Variants in STX8 observed in about 807,000 individuals in gnomAD.
STX8 encodes syntaxin 8, also known as syntaxin-8.
A neutral mutation model predicts 37.5 loss-of-function variants in STX8; 23 were observed. The observed-to-expected ratio is 0.61, with a 90% CI of 0.44 to 0.87. The LOEUF is 0.87. STX8 is among the 40% of genes least tolerant of loss of function. The probability of loss-of-function intolerance (pLI) is 0.00; values close to 1 mark genes in which losing one functional copy is unlikely to be tolerated. For missense variants in STX8, 313 were observed against 284.7 expected (o/e 1.10, Z -0.71); for synonymous variants, 115 against 99.1 (o/e 1.16, Z -0.95).
intron 6 of STX8, among the ~76,000 whole-genome samples, chr17:9,489,617 G>A (rs1029972987): frequency 1.3e-5 from 2 of 151,768 alleles, no homozygotes; most frequent in African/African-American, 2.4e-5. Flanking sequence ...CTCACCCATC[G>A]AATAGGCTAA....
chr17:9,357,522 T>A (rs532600132), intron 7 of STX8, among the ~76,000 whole-genome samples: 5 of 151,880 alleles, frequency 3.3e-5, no homozygotes, highest in African/African-American at 1.2e-4. Flanking sequence ...TGTAGAAAAC[T>A]CCATCTCTAC....
intron 7 of STX8, among the ~76,000 whole-genome samples, chr17:9,348,848 G>A (rs1910612992): frequency 6.6e-6 from 1 of 152,292 alleles, no homozygotes; most frequent in East Asian, 1.9e-4. Flanking sequence ...CCTTCCTGAT[G>A]GCCAAGGTCT....
intron 7 of STX8, among the ~76,000 whole-genome samples, chr17:9,281,224 A>C (rs531983372): frequency 5.3e-5 from 8 of 152,182 alleles, no homozygotes; most frequent in Non-Finnish European, 8.8e-5. Flanking sequence ...GCTGAAGTCA[A>C]GGTGAGGCTG....
intron 4 of STX8, among the ~76,000 whole-genome samples, chr17:9,531,907 G>A (rs9902525): frequency 0.22 from 33,366 of 151,732 alleles, 3,739 homozygotes; most frequent in South Asian, 0.26. Flanking sequence ...AACCTTCTGA[G>A]GAGAGAAACT....
chr17:9,397,534 G>T (rs1041916505), intron 6 of STX8, among the ~76,000 whole-genome samples: 1 of 152,202 alleles, frequency 6.6e-6, no homozygotes, highest in Non-Finnish European at 1.5e-5. Flanking sequence ...ATGGATTTGA[G>T]AACAAACCCA....
chr17:9,520,851 T>A (rs1462696158), intron 4 of STX8, among the ~76,000 whole-genome samples: 1 of 152,182 alleles, frequency 6.6e-6, no homozygotes, highest in Non-Finnish European at 1.5e-5. Context: ...CAAAAAGATG[T>A]CAAAGTGACT....
chr17:9,428,627 AATGTGAACC>A (rs1444659128), intron 6 of STX8, among the ~76,000 whole-genome samples: 1 of 152,250 alleles, frequency 6.6e-6, no homozygotes, highest in East Asian at 1.9e-4. Context: ...ATAGAAATGT[AATGTGAACC>A]ATGTCTGTAA....
Position 9,557,469 on chromosome 17 carries a change from C to T in STX8, c.177G>A (p.Lys59=). 6.2e-7 allele frequency: 1 copy of T among 1,614,008 alleles called. No individual in the cohort carries two copies. Among genetic ancestry groups the T allele is most frequent in the Non-Finnish European group, 8.5e-7 (1 of 1,179,964 alleles). Residue 59 remains lysine (K), a synonymous_variant, in exon 3 of 8, where the codon AAG becomes AAA. Coordinates refer to ENST00000306357, the MANE Select transcript of STX8 (RefSeq NM_004853.3). ...QNLKEKIALL[K]DLLLRAVSTH... is the part of the protein sequence containing the mutation. ...TTGACACAGCTCTTAGCAATAAGTC[C>T]TTCAAAAGGGCGATCTTTTCCTTCA...
intron 4 of STX8, 43 bp downstream of exon 4, chr17:9,545,129 G>A: frequency 7.3e-7 from 1 of 1,368,374 alleles, no homozygotes. Context: ...CTGCAAAGAA[G>A]TCTTCGCCCA....
At chr17:9,315,357 C>T (rs1597600063) in intron 7 of STX8, among the ~76,000 whole-genome samples, 1 of 152,068 alleles carries the variant, frequency 6.6e-6, no homozygotes, top group East Asian at 1.9e-4. Flanking sequence ...AACTGACCAG[C>T]ATTCCCTCCT....
chr17:9,475,003 T>C (rs542712238), intron 6 of STX8, among the ~76,000 whole-genome samples: 1 of 152,164 alleles, frequency 6.6e-6, no homozygotes, highest in East Asian at 1.9e-4. Context: ...AAAACTTGTT[T>C]TACTGAAGCC....
Position 9,568,459 on chromosome 17 carries a change from T to C in STX8, c.29A>G (p.Tyr10Cys), listed in dbSNP as rs1410475113. The part of the protein sequence containing the change: MAPDPWFST[Y>C]DSTCQIAQEI... ...TTGGGCAATTTGACAAGTAGAATCG[T>C]ATGTGGAGAACCTGCACCAAAGTCG... Residue 10 changes from tyrosine (Y) to cysteine (C), a missense_variant, in exon 2 of 8, where the codon TAC (tyrosine) becomes TGC (cysteine). Transcript: ENST00000306357. 7 of 1,612,356 alleles carry C rather than the reference T, an allele frequency of 4.3e-6. No homozygotes were observed. The highest frequency in any genetic ancestry group is 5.9e-6 in the Non-Finnish European group (7 of 1,179,654).
rs1405423392 is a variant in STX8 at position 9,250,623 on chromosome 17, C to T, written c.666G>A (p.Leu222=). The T allele has an allele frequency of 2.5e-6, 4 of 1,599,932 alleles. No homozygotes were observed. The highest frequency in any genetic ancestry group is 1.7e-5 in the Admixed American group (1 of 57,646). The part of the protein sequence containing the change: ...ASCGMIMVIL[L]LLVAIVVVAV... ...CAACAACCACGATAGCCACAAGCAG[C>T]AGTAAAATCACCATGATCATCCCTG... The change falls in exon 8 of 8, where the codon CTG becomes CTA. Residue 222 remains leucine (L), a synonymous_variant. Transcript: ENST00000306357.
At chr17:9,341,599 G>A (rs1403467385) in intron 7 of STX8, among the ~76,000 whole-genome samples, 1 of 152,118 alleles carries the variant, frequency 6.6e-6, no homozygotes, top group Non-Finnish European at 1.5e-5. Flanking sequence ...ACCAGGCCTG[G>A]CTAATTTTTG....
chr17:9,340,381 T>G lies in STX8; in HGVS notation c.643+38171A>C, dbSNP rs562911161. Among the ~76,000 whole-genome samples the G allele has an allele frequency of 9.8e-5, 15 of 152,314 alleles. No individual in the cohort carries two copies. The East Asian group carries it at 2.7e-3, about 27-fold the overall frequency. ...ATTTAAAAATTTGTTTCACTGAACATTTTCACAAAATGAAAATTAGAAGAT... is the reference window on the plus strand; with the variant it reads ...ATTTAAAAATTTGTTTCACTGAACAGTTTCACAAAATGAAAATTAGAAGAT... On this transcript the variant is annotated intron_variant, in intron 7 of 7. Coordinates refer to ENST00000306357, the MANE Select transcript of STX8 (RefSeq NM_004853.3).
At chr17:9,272,879 T>C (rs979412879) in intron 7 of STX8, among the ~76,000 whole-genome samples, 5 of 152,202 alleles carry the variant, frequency 3.3e-5, no homozygotes, top group Admixed American at 2.6e-4. Context: ...CGCCCCTCTT[T>C]CCCCACTGCC....
intron 7 of STX8, among the ~76,000 whole-genome samples, chr17:9,333,897 C>A (rs1910051278): frequency 6.6e-6 from 1 of 152,102 alleles, no homozygotes; most frequent in Non-Finnish European, 1.5e-5. Context: ...CTAGACAGAG[C>A]CGATTTCTCT....
chr17:9,267,816 C>T (rs1441327801), intron 7 of STX8, among the ~76,000 whole-genome samples: 1 of 151,980 alleles, frequency 6.6e-6, no homozygotes, highest in African/African-American at 2.4e-5. Flanking sequence ...TGGTGAAATC[C>T]CATCTCTACT....
chr17:9,324,124 T>A (rs1223076067), intron 7 of STX8, among the ~76,000 whole-genome samples: 1,455 of 134,194 alleles, frequency 0.011, 26 homozygotes, highest in African/African-American at 0.036. Flanking sequence ...TCTCTCTCTC[T>A]CTCACACACA....
Sources: allele counts gnomAD v4.1 joint callset (sites outside exome capture counted in the v4.1 genomes callset), GRCh38; gene constraint gnomAD v4.1.1; transcripts MANE v1.5; gene names NCBI Gene and HGNC (gene_info 2026-07-23, HGNC 2026-07-21).